NRG3: variants seen among roughly 807,000 people sequenced by gnomAD.
NRG3 encodes pro-neuregulin-3, membrane-bound isoform.
A neutral mutation model predicts 66.9 loss-of-function variants in NRG3; 31 were observed. The ratio of observed to expected loss-of-function variants is 0.46; its 90% CI spans 0.35 to 0.63. The LOEUF (loss-of-function observed/expected upper bound fraction) is 0.63, where lower values mean the gene tolerates loss of function less well. Ranked by LOEUF, NRG3 falls within the 20% of genes least tolerant of loss-of-function variation. The pLI, the probability that NRG3 is intolerant of heterozygous loss-of-function variation, is 0.00. For synonymous variants in NRG3, 393 were observed against 359.4 expected, an observed-to-expected ratio of 1.09 and a Z score of -1.06; for missense variants, 910 against 878.9, an observed-to-expected ratio of 1.04 and a Z score of -0.45.
rs138936665 is a variant in NRG3, at chr10:82,985,546, C to A, written c.2032C>A (p.Arg678=). The A allele has an allele frequency of 9.9e-6, 16 of 1,613,908 alleles. No homozygotes were observed. Among genetic ancestry groups the A allele is most frequent in the African/African-American group, 2.7e-5 (2 of 74,990 alleles). ...CCTGAGTCCCACAGCCAAATCAGAA[C>A]GAGAGGCGCAATTTGTCTTAAGAAA... ...LPLSPTAKSE[R]EAQFVLRNEI... Residue 678 remains arginine (R), a synonymous_variant, in exon 9 of 9, where the codon CGA becomes AGA. Coordinates refer to ENST00000372141, the MANE Select transcript of NRG3 (RefSeq NM_001010848.4).
chr10:81,932,571 C>T (rs551524355), intron 1 of NRG3, among the ~76,000 whole-genome samples: 11 of 152,196 alleles, frequency 7.2e-5, no homozygotes, highest in South Asian at 2.1e-4. Flanking sequence ...AGCTCCAAAG[C>T]GATATTTACT....
chr10:82,008,544 A>G (rs2061459093), intron 1 of NRG3, among the ~76,000 whole-genome samples: 1 of 152,202 alleles, frequency 6.6e-6, no homozygotes, highest in African/African-American at 2.4e-5. Context: ...AATTAGGAAA[A>G]GTAAGTTTAA....
At position 82,537,867 on chromosome 10, in the gene NRG3, G is replaced by A. The variant is rs530664796; in HGVS notation, c.953+178999G>A. Among the ~76,000 whole-genome samples, 82 of 152,146 alleles carry A rather than the reference G, an allele frequency of 5.4e-4. 1 individual carries two copies. Among genetic ancestry groups the A allele is most frequent in the African/African-American group, 1.9e-3 (78 of 41,516 alleles). On this transcript the variant is annotated intron_variant, in intron 2 of 8. Coordinates refer to ENST00000372141, the MANE Select transcript of NRG3 (RefSeq NM_001010848.4). ...GAAAATCTCTTCTAATTAGAACTTCGTTGACCCCATTATTAATAGTTATTT... is the reference window on the plus strand; with the variant it reads ...GAAAATCTCTTCTAATTAGAACTTCATTGACCCCATTATTAATAGTTATTT...
At chr10:82,887,612 T>A (rs777179889) in intron 4 of NRG3, among the ~76,000 whole-genome samples, 10 of 152,250 alleles carry the variant, frequency 6.6e-5, no homozygotes, top group Non-Finnish European at 1.2e-4. Context: ...TAGCTCATTC[T>A]GTGAAGCTAA....
chr10:82,309,700 G>T (rs2134949320), intron 1 of NRG3, among the ~76,000 whole-genome samples: 1 of 152,238 alleles, frequency 6.6e-6, no homozygotes, highest in East Asian at 1.9e-4. Context: ...CTAAAAAATT[G>T]ACTGAAACAA....
chr10:82,116,663 C>T (rs2067740041), intron 1 of NRG3, among the ~76,000 whole-genome samples: 1 of 152,088 alleles, frequency 6.6e-6, no homozygotes, highest in African/African-American at 2.4e-5. Flanking sequence ...CCAATCATTT[C>T]CTTTTGTAAA....
At chr10:82,317,394 G>A (rs1238414361) in intron 1 of NRG3, among the ~76,000 whole-genome samples, 1 of 151,958 alleles carries the variant, frequency 6.6e-6, no homozygotes, top group Non-Finnish European at 1.5e-5. Context: ...GCACATTACT[G>A]GAATGACATA....
chr10:82,608,838 AC>A (rs1465805963), intron 2 of NRG3, among the ~76,000 whole-genome samples: 4 of 152,088 alleles, frequency 2.6e-5, no homozygotes, highest in Admixed American at 2.6e-4. Context: ...CCTGACTCAC[AC>A]ACACAATTAG....
chr10:81,924,073 C>G (rs549538623), intron 1 of NRG3, among the ~76,000 whole-genome samples: 1 of 152,242 alleles, frequency 6.6e-6, no homozygotes, highest in East Asian at 1.9e-4. Context: ...GGACTGACCC[C>G]GGTGGGATTA....
intron 3 of NRG3, among the ~76,000 whole-genome samples, chr10:82,740,823 CAAAAAAAAAAAA>C (rs56944502): frequency 9.3e-5 from 11 of 118,330 alleles, no homozygotes; most frequent in Non-Finnish European, 5.3e-5. Flanking sequence ...GACTCTGTCT[CAAAAAAAAAAAA>C]AAAAAAAAAA....
intron 1 of NRG3, among the ~76,000 whole-genome samples, chr10:82,123,929 T>C (rs2068257519): frequency 6.6e-6 from 1 of 151,886 alleles, no homozygotes; most frequent in African/African-American, 2.4e-5. Flanking sequence ...CCAATTTCAT[T>C]TGACATCTGA....
intron 4 of NRG3, among the ~76,000 whole-genome samples, chr10:82,895,923 A>G (rs913434161): frequency 3.3e-5 from 5 of 152,194 alleles, no homozygotes; most frequent in African/African-American, 1.2e-4. Context: ...TTATTTTACT[A>G]TAGCATTAGG....
chr10:82,850,680 T>C (rs1477563987), intron 3 of NRG3, among the ~76,000 whole-genome samples: 1 of 150,636 alleles, frequency 6.6e-6, no homozygotes, highest in Non-Finnish European at 1.5e-5. Flanking sequence ...GCCATACAAA[T>C]TACCTTATTT....
At chr10:82,072,151 A>G (rs1283392062) in intron 1 of NRG3, among the ~76,000 whole-genome samples, 1 of 152,204 alleles carries the variant, frequency 6.6e-6, no homozygotes, top group Non-Finnish European at 1.5e-5. Context: ...ACATGTTTGC[A>G]TATGATATAA....
chr10:82,491,096 G>A (rs2132246423), intron 2 of NRG3, among the ~76,000 whole-genome samples: 1 of 151,582 alleles, frequency 6.6e-6, no homozygotes, highest in South Asian at 2.1e-4. Flanking sequence ...CATTCCAGCT[G>A]TAGGATGTTG....
intron 1 of NRG3, among the ~76,000 whole-genome samples, chr10:81,904,687 A>G (rs1273290837): frequency 6.6e-6 from 1 of 152,020 alleles, no homozygotes; most frequent in East Asian, 1.9e-4. Flanking sequence ...TAAATCAGCA[A>G]TCTTTTGTTT....
chr10:82,432,643 T>C (rs112818260), intron 2 of NRG3, among the ~76,000 whole-genome samples: 217 of 152,220 alleles, frequency 1.4e-3, no homozygotes, highest in African/African-American at 4.9e-3. Flanking sequence ...GGCCTTGTTG[T>C]GTGTTGTTCC....
intron 2 of NRG3, among the ~76,000 whole-genome samples, chr10:82,727,893 C>T (rs371130999): frequency 6.6e-6 from 1 of 152,190 alleles, no homozygotes; most frequent in Non-Finnish European, 1.5e-5. Flanking sequence ...CCTCTCACAT[C>T]ATTGTGACCC....
At chr10:81,985,583 G>C (rs1047295579) in intron 1 of NRG3, among the ~76,000 whole-genome samples, 1 of 152,216 alleles carries the variant, frequency 6.6e-6, no homozygotes, top group African/African-American at 2.4e-5. Context: ...TTAATGCAGG[G>C]AGAGAGATGA....
Sources: gnomAD v4.1 joint callset for allele counts (sites outside exome capture counted in the v4.1 genomes callset) on GRCh38, gnomAD v4.1.1 for gene constraint, MANE v1.5 for transcripts, NCBI Gene and HGNC (gene_info 2026-07-23, HGNC 2026-07-21) for gene names.